Variants in KCNK12 observed in about 807,000 individuals in gnomAD.
The protein encoded by KCNK12 is potassium two pore domain channel subfamily K member 12.
In KCNK12, 6 loss-of-function variants were observed where a neutral mutation model predicts 25.3. That is an observed-to-expected ratio of 0.24 (90% CI 0.13 to 0.47). The LOEUF is 0.47. KCNK12 is among the 20% of genes least tolerant of loss of function. The pLI, the probability that KCNK12 is intolerant of heterozygous loss-of-function variation, is 0.99. For missense variants in KCNK12, 444 were observed against 661.7 expected, an observed-to-expected ratio of 0.67 and a Z score of 3.61; for synonymous variants, 331 against 311.1, an observed-to-expected ratio of 1.06 and a Z score of -0.67.
rs1668969486 is a variant in KCNK12 at position 47,533,002 on chromosome 2, C to T, written c.392-11194G>A. Among the ~76,000 whole-genome samples, 1 of 151,990 alleles carries T rather than the reference C, an allele frequency of 6.6e-6. No homozygotes were observed. Among genetic ancestry groups the T allele is most frequent in the Non-Finnish European group, 1.5e-5 (1 of 67,990 alleles). On this transcript the variant is annotated intron_variant, in intron 1 of 1. Coordinates refer to ENST00000327876, the MANE Select transcript of KCNK12 (RefSeq NM_022055.2). This position sits in a 1 kb window ranked among gnomAD's most constrained non-coding sequence, Gnocchi z 4.7. ...CTCCCTCTAAAAATGGCCCAATGCC[C>T]TACTTATTTATTTATTTTTTATTTT...
Position 47,570,515 on chromosome 2 carries a change from T to A in KCNK12, c.-184A>T. On this transcript the variant is annotated 5_prime_UTR_variant, in exon 1 of 2. Coordinates refer to ENST00000327876, the MANE Select transcript of KCNK12 (RefSeq NM_022055.2). ...CGGACAGAGGGGCGCCTCCGCCTCC[T>A]CCCCGGCGCTCAGGCCACACGCGAG... 1.9e-6 allele frequency: 1 copy of A among 514,900 alleles called. No individual in the cohort carries two copies. The highest frequency in any genetic ancestry group is 2.8e-6 in the Non-Finnish European group (1 of 351,818). The allele number at this position is 514,900 out of a possible 1,614,324, so 31.9% of individuals were successfully genotyped here.
chr2:47,568,738 C>A (rs1339542012), intron 1 of KCNK12, among the ~76,000 whole-genome samples: 1 of 152,160 alleles, frequency 6.6e-6, no homozygotes, highest in Non-Finnish European at 1.5e-5. Context: ...ACTTCTCAAG[C>A]CCAGCAAATC....
intron 1 of KCNK12, among the ~76,000 whole-genome samples, chr2:47,531,267 G>GT (rs1452384617): frequency 6.6e-6 from 1 of 152,120 alleles, no homozygotes; most frequent in Admixed American, 6.5e-5. Context: ...GAGCCCAGGA[G>GT]TTCAAGACCA....
At position 47,533,659 on chromosome 2, in the gene KCNK12, C is replaced by T. The variant is rs534896985; in HGVS notation, c.392-11851G>A. On this transcript the variant is annotated intron_variant, in intron 1 of 1. Transcript: ENST00000327876. This position sits in a 1 kb window ranked among gnomAD's most constrained non-coding sequence, Gnocchi z 4.7. ...TGGCCCCTACGCTGGGTAGGAGGCCCGGCTAGAGGTTAGGCACCATCTTTT... is the reference window on the plus strand; with the variant it reads ...TGGCCCCTACGCTGGGTAGGAGGCCTGGCTAGAGGTTAGGCACCATCTTTT... Among the ~76,000 whole-genome samples, 12 of 152,306 alleles carry T rather than the reference C, an allele frequency of 7.9e-5. No individual in the cohort carries two copies. Among genetic ancestry groups the T allele is most frequent in the Non-Finnish European group, 1.0e-4 (7 of 68,028 alleles).
At position 47,521,299 on chromosome 2, in the gene KCNK12, G is replaced by A; in HGVS notation, c.901C>T (p.Leu301Phe). The A allele has an allele frequency of 6.2e-7, 1 of 1,613,072 alleles. No homozygotes were observed. The highest frequency in any genetic ancestry group is 8.5e-7 in the Non-Finnish European group (1 of 1,179,748). ...IYSLFNVISI[L>F]IKQVLNWMLR... ...ATCCAGTTGAGCACCTGCTTGATGA[G>A]GATGGAGATGACGTTGAAGAGCGAG... The change falls in exon 2 of 2, where the codon CTC becomes TTC. Residue 301 changes from leucine to phenylalanine, a missense_variant. By Grantham distance (22) the Leu-to-Phe change is conservative (BLOSUM62 0). Coordinates refer to ENST00000327876, the MANE Select transcript of KCNK12 (RefSeq NM_022055.2).
rs1669780598 is a variant in KCNK12, at chr2:47,566,031, C to T, written c.391+3910G>A. 1 of 152,152 alleles carries T rather than the reference C, an allele frequency of 6.6e-6. No individual in the cohort carries two copies. The highest frequency in any genetic ancestry group is 2.4e-5 in the African/African-American group (1 of 41,420). The allele number at this position is 152,152 out of a possible 1,614,324, so 9.4% of individuals were successfully genotyped here. A position where few individuals can be genotyped will look rare whatever the true frequency, so the allele number is the denominator to read the frequency against. ...GCATAAATGGGAGAAATAATAATTA[C>T]CCAGGATTTCAGTTCAGTGTAAGCA... On this transcript the variant is annotated intron_variant, in intron 1 of 1. Transcript: ENST00000327876. This position sits in a 1 kb window ranked among gnomAD's most constrained non-coding sequence, Gnocchi z 4.1.
intron 1 of KCNK12, among the ~76,000 whole-genome samples, chr2:47,550,468 T>A (rs553675655): frequency 2.1e-5 from 3 of 144,700 alleles, no homozygotes; most frequent in Non-Finnish European, 4.5e-5. Flanking sequence ...CTGCAACCTC[T>A]GCCTCCCGGG....
intron 1 of KCNK12, chr2:47,563,337 T>A (rs1385272846): frequency 4.3e-6 from 1 of 233,472 alleles, no homozygotes; most frequent in African/African-American, 2.2e-5. Flanking sequence ...TACTTGTCTA[T>A]GTGAGCAGTG....
Position 47,525,141 on chromosome 2 carries a change from A to C in KCNK12, c.392-3333T>G, listed in dbSNP as rs1389236034. 6.6e-6 allele frequency among the ~76,000 whole-genome samples: 1 copy of C among 152,218 alleles called. No homozygotes were observed. The highest frequency in any genetic ancestry group is 1.5e-5 in the Non-Finnish European group (1 of 68,036). ...CTAAAGAGAAGTTCCAGACACATCC[A>C]TGCTGGACTTAATAAAACAGCAAAA... On this transcript the variant is annotated intron_variant, in intron 1 of 1. Coordinates refer to ENST00000327876, the MANE Select transcript of KCNK12 (RefSeq NM_022055.2). This position sits in a 1 kb window ranked among gnomAD's most constrained non-coding sequence, Gnocchi z 4.1.
rs1572594271 is a variant in KCNK12 at position 47,540,014 on chromosome 2, G to T, written c.392-18206C>A. On this transcript the variant is annotated intron_variant, in intron 1 of 1. Coordinates refer to ENST00000327876, the MANE Select transcript of KCNK12 (RefSeq NM_022055.2). The surrounding 1 kb of genome is among the most constrained non-coding windows in gnomAD (Gnocchi z 5.4). ...TCAGCAAGCTACTCGCTGTGCCTCA[G>T]TTTCCCCATCTATCAAGTAGACAGC... Among the ~76,000 whole-genome samples, 1 of 152,208 alleles carries T rather than the reference G, an allele frequency of 6.6e-6. No individual in the cohort carries two copies.
chr2:47,524,294 C>T (rs1203101229), intron 1 of KCNK12, among the ~76,000 whole-genome samples: 1 of 152,144 alleles, frequency 6.6e-6, no homozygotes, highest in Non-Finnish European at 1.5e-5. Flanking sequence ...ATTTATAAAA[C>T]GTTTTAGACC....
In KCNK12 at chr2:47,566,222, A is replaced by G. The variant is rs1431796155; in HGVS notation, c.391+3719T>C. ...GTATCTACACGATTGCAAACTGCCC[A>G]GCTGTGGATACGGGGCCCTGTTCAA... On this transcript the variant is annotated intron_variant, in intron 1 of 1. Coordinates refer to ENST00000327876, the MANE Select transcript of KCNK12 (RefSeq NM_022055.2). The surrounding 1 kb of genome is among the most constrained non-coding windows in gnomAD (Gnocchi z 4.1). The G allele has an allele frequency of 6.6e-6, 1 of 152,210 alleles. No homozygotes were observed. The highest frequency in any genetic ancestry group is 1.5e-5 in the Non-Finnish European group (1 of 68,036). 9.4% of individuals were successfully genotyped at this position (152,210 alleles called of 1,614,324 possible). A position where few individuals can be genotyped will look rare whatever the true frequency, so the allele number is the denominator to read the frequency against.
intron 1 of KCNK12, among the ~76,000 whole-genome samples, chr2:47,546,761 T>C (rs1364554808): frequency 6.6e-6 from 1 of 152,148 alleles, no homozygotes; most frequent in Non-Finnish European, 1.5e-5. Context: ...TAAAAGGACA[T>C]AAAGGTGTAA....
chr2:47,520,446 T>C lies in KCNK12; in HGVS notation c.*461A>G, dbSNP rs946473858. On this transcript the variant is annotated 3_prime_UTR_variant, in exon 2 of 2. Transcript: ENST00000327876. The surrounding 1 kb of genome is among the most constrained non-coding windows in gnomAD (Gnocchi z 5.0). Reference sequence around the variant, plus strand: ...TGTCCCAACCCCCACCTGTCAAAACTGTGACTATATCACTTCTGACGACCA... The same window carrying C: ...TGTCCCAACCCCCACCTGTCAAAACCGTGACTATATCACTTCTGACGACCA... 1 of 153,912 alleles carries C rather than the reference T, an allele frequency of 6.5e-6. No individual in the cohort carries two copies. The highest frequency in any genetic ancestry group is 2.4e-5 in the African/African-American group (1 of 41,526). The allele number at this position is 153,912 out of a possible 1,614,324, so 9.5% of individuals were successfully genotyped here. A position where few individuals can be genotyped will look rare whatever the true frequency, so the allele number is the denominator to read the frequency against.
At chr2:47,527,130 A>G (rs796764773) in intron 1 of KCNK12, among the ~76,000 whole-genome samples, 5 of 152,278 alleles carry the variant, frequency 3.3e-5, no homozygotes, top group African/African-American at 1.2e-4. Flanking sequence ...ACCACATTAG[A>G]CTGTATTCTG....
At chr2:47,563,119 T>G (rs58979036) in intron 1 of KCNK12, 5,672 of 233,194 alleles carry the variant, frequency 0.024, 190 homozygotes, top group African/African-American at 0.086. Context: ...CAGGGATGGG[T>G]ACACTTACTG....
At position 47,546,515 on chromosome 2, in the gene KCNK12, G is replaced by A. The variant is rs930431022; in HGVS notation, c.391+23426C>T. On this transcript the variant is annotated intron_variant, in intron 1 of 1. Coordinates refer to ENST00000327876, the MANE Select transcript of KCNK12 (RefSeq NM_022055.2). ...CTACAAAAACTACAAAAATTAGACA[G>A]GTGTGGTAGCGAGCACCTATAGTCC... is the stretch of plus-strand genomic sequence containing the variant. Among the ~76,000 whole-genome samples, 44 of 152,282 alleles carry A rather than the reference G, an allele frequency of 2.9e-4. 1 individual carries two copies. The highest frequency in any genetic ancestry group is 1.0e-3 in the African/African-American group (42 of 41,560).
intron 1 of KCNK12, among the ~76,000 whole-genome samples, chr2:47,567,961 G>C (rs944008147): frequency 6.6e-6 from 1 of 152,206 alleles, no homozygotes; most frequent in African/African-American, 2.4e-5. Context: ...GCTGGGCTCA[G>C]AATCAGTGCC....
In KCNK12 at chr2:47,555,699, C is replaced by A. The variant is rs183781319; in HGVS notation, c.391+14242G>T. On this transcript the variant is annotated intron_variant, in intron 1 of 1. Transcript: ENST00000327876. The surrounding 1 kb of genome is among the most constrained non-coding windows in gnomAD (Gnocchi z 4.5). ...GTCTTTTAATTCAGGGCCCTAGCGGCTGAAAATAAGAAAATGTAGGGGAAA... is the reference window on the plus strand; with the variant it reads ...GTCTTTTAATTCAGGGCCCTAGCGGATGAAAATAAGAAAATGTAGGGGAAA... 6.6e-5 allele frequency among the ~76,000 whole-genome samples: 10 copies of A among 152,218 alleles called. No individual in the cohort carries two copies. Among genetic ancestry groups the A allele is most frequent in the Admixed American group, 6.5e-4 (10 of 15,298 alleles).
Sources: gnomAD v4.1 joint callset for allele counts (sites outside exome capture counted in the v4.1 genomes callset) on GRCh38, gnomAD v4.1.1 for gene constraint, Gnocchi (gnomAD v3.1) non-coding constraint, MANE v1.5 for transcripts, NCBI Gene and HGNC (gene_info 2026-07-23, HGNC 2026-07-21) for gene names.